Variants in UNC13B observed in about 807,000 individuals in gnomAD.
UNC13B encodes unc-13 homolog B.
In UNC13B, 144 loss-of-function variants were observed where a neutral mutation model predicts 211.0. That is an observed-to-expected ratio of 0.68 (90% CI 0.60 to 0.78). The LOEUF is 0.78. Ranked by LOEUF, UNC13B falls within the 30% of genes least tolerant of loss-of-function variation. The pLI is 0.00. For missense variants in UNC13B, 1,777 were observed against 2,002.0 expected (o/e 0.89, Z 2.14); for synonymous variants, 709 against 725.8 (o/e 0.98, Z 0.37).
At position 35,301,742 on chromosome 9, in the gene UNC13B, A is replaced by G. The variant is rs1042640578; in HGVS notation, c.2338A>G (p.Ile780Val). ...CAAAGATACTCCAGGACATCCTTGT[A>G]TAGCTGGCAGTAGAACTGCAAATAA... ...CAKDTPGHPCIAGSRTANKEV... is the reference protein window; with the variant it reads ...CAKDTPGHPCVAGSRTANKEV... The change falls in exon 9 of 40, where the codon ATA (isoleucine) becomes GTA (valine). Residue 780 changes from isoleucine to valine, a missense_variant. Coordinates refer to ENST00000635942, the MANE Select transcript of UNC13B (RefSeq NM_001371189.2). The G allele has an allele frequency of 7.8e-5, 31 of 398,814 alleles. No individual in the cohort carries two copies. Among genetic ancestry groups the G allele is most frequent in the South Asian group, 1.3e-4 (1 of 7,864 alleles). The allele number at this position is 398,814 out of a possible 1,614,324, so 24.7% of individuals were successfully genotyped here.
chr9:35,179,356 A>C (rs1821809272), intron 1 of UNC13B, among the ~76,000 whole-genome samples: 1 of 152,196 alleles, frequency 6.6e-6, no homozygotes, highest in Non-Finnish European at 1.5e-5. Flanking sequence ...TTCATAAAAA[A>C]TAAAAGGAGT....
chr9:35,398,787 C>T, intron 32 of UNC13B, 95 bp from the exon 33 acceptor site: 1 of 1,571,412 alleles, frequency 6.4e-7, no homozygotes, highest in African/African-American at 1.3e-5. Flanking sequence ...GGAAATGCAC[C>T]ATGAGCATAT....
At chr9:35,255,234 A>G (rs1027874776) in intron 6 of UNC13B, among the ~76,000 whole-genome samples, 1 of 150,172 alleles carries the variant, frequency 6.7e-6, no homozygotes, top group Non-Finnish European at 1.5e-5. Context: ...CTGTTTACGC[A>G]TATATTTTTA....
intron 1 of UNC13B, among the ~76,000 whole-genome samples, chr9:35,209,658 A>G (rs925692476): frequency 2.6e-5 from 4 of 152,198 alleles, no homozygotes; most frequent in Non-Finnish European, 2.9e-5. Flanking sequence ...GATTTTAGGC[A>G]TGGGCCACAC....
rs568048376 is a variant in UNC13B at position 35,395,099 on chromosome 9, G to A, written c.11309-1377G>A. On this transcript the variant is annotated intron_variant, in intron 26 of 39. Coordinates refer to ENST00000635942, the MANE Select transcript of UNC13B (RefSeq NM_001371189.2). Reference sequence around the variant, plus strand: ...AACAGCAGGGGATGGGGGTGGAGGAGAGGGGCTCTCTTTTGATGTCCCTGA... The same window carrying A: ...AACAGCAGGGGATGGGGGTGGAGGAAAGGGGCTCTCTTTTGATGTCCCTGA... Among the ~76,000 whole-genome samples, 3 of 152,226 alleles carry A rather than the reference G, an allele frequency of 2.0e-5. No homozygotes were observed. The East Asian group carries it at 5.8e-4, about 29-fold the overall frequency.
At chr9:35,354,598 G>A (rs2132083176) in intron 11 of UNC13B, among the ~76,000 whole-genome samples, 1 of 152,262 alleles carries the variant, frequency 6.6e-6, no homozygotes, top group African/African-American at 2.4e-5. Flanking sequence ...GAGATATGTA[G>A]CTTTAAAATT....
chr9:35,204,419 T>C (rs968016506), intron 1 of UNC13B, among the ~76,000 whole-genome samples: 1 of 152,140 alleles, frequency 6.6e-6, no homozygotes, highest in African/African-American at 2.4e-5. Context: ...GAACCTAGAA[T>C]GGTAGATCCA....
rs75780863 is a variant in UNC13B at position 35,388,627 on chromosome 9, A to C, written c.11095-1219A>C. 4.8e-3 allele frequency among the ~76,000 whole-genome samples: 729 copies of C among 152,354 alleles called. 6 individuals carry two copies. The highest frequency in any genetic ancestry group is 8.1e-3 in the Non-Finnish European group (549 of 68,040). Reference sequence around the variant, plus strand: ...ACTAAATGGAGTTGTTGTGAGGATTAGATAGGATAATGTGTGTAAAGGTCT... The same window carrying C: ...ACTAAATGGAGTTGTTGTGAGGATTCGATAGGATAATGTGTGTAAAGGTCT... On this transcript the variant is annotated intron_variant, in intron 24 of 39. Transcript: ENST00000635942.
intron 1 of UNC13B, among the ~76,000 whole-genome samples, chr9:35,190,564 A>G (rs938583473): frequency 2.0e-5 from 3 of 152,064 alleles, no homozygotes; most frequent in African/African-American, 4.8e-5. Context: ...CCCTCCCCCA[A>G]AACAGGGTCT....
intron 20 of UNC13B, 69 bp from the exon 21 acceptor site, chr9:35,382,288 A>G: frequency 6.5e-7 from 1 of 1,544,466 alleles, no homozygotes; most frequent in South Asian, 1.3e-5. Flanking sequence ...ATAAACTTTT[A>G]GAGTTCCTGC....
At position 35,399,296 on chromosome 9, in the gene UNC13B, T is replaced by C; in HGVS notation, c.12198+12T>C. 6.2e-7 allele frequency: 1 copy of C among 1,614,102 alleles called. No individual in the cohort carries two copies. The highest frequency in any genetic ancestry group is 1.6e-4 in the Middle Eastern group (1 of 6,062). ...TCACTGACCAGACGGTAAGGACACCTCCTTCCACTTCCTCCTGCTGTCTCC... is the reference window on the plus strand; with the variant it reads ...TCACTGACCAGACGGTAAGGACACCCCCTTCCACTTCCTCCTGCTGTCTCC... On this transcript the variant is annotated intron_variant, in intron 34 of 39. Coordinates refer to ENST00000635942, the MANE Select transcript of UNC13B (RefSeq NM_001371189.2).
chr9:35,187,078 G>A (rs1822400864), intron 1 of UNC13B, among the ~76,000 whole-genome samples: 1 of 152,088 alleles, frequency 6.6e-6, no homozygotes, highest in Non-Finnish European at 1.5e-5. Context: ...CCGATATTCC[G>A]GTTAGAAGGT....
At chr9:35,364,460 G>A (rs1456841068) in intron 11 of UNC13B, 4 of 1,441,392 alleles carry the variant, frequency 2.8e-6, no homozygotes, top group Non-Finnish European at 1.9e-6. Context: ...TTGGAGTTTA[G>A]CTGGCATTTT....
At chr9:35,257,996 C>T (rs1827033845) in intron 6 of UNC13B, among the ~76,000 whole-genome samples, 1 of 152,180 alleles carries the variant, frequency 6.6e-6, no homozygotes, top group African/African-American at 2.4e-5. Flanking sequence ...CTTCTAAGTA[C>T]ACTAGAAAAG....
In UNC13B at chr9:35,333,206, A is replaced by G. The variant is rs150044558; in HGVS notation, c.9414+19217A>G. On this transcript the variant is annotated intron_variant, in intron 11 of 39. Transcript: ENST00000635942. ...CAGAGTAGAGAAAATGTCTGACTTTATATCCCTGATGCCTGGCACCCACTA... is the reference window on the plus strand; with the variant it reads ...CAGAGTAGAGAAAATGTCTGACTTTGTATCCCTGATGCCTGGCACCCACTA... 4.2e-3 allele frequency among the ~76,000 whole-genome samples: 645 copies of G among 152,354 alleles called. 1 individual carries two copies. Among genetic ancestry groups the G allele is most frequent in the South Asian group, 0.012 (57 of 4,826 alleles).
chr9:35,222,598 G>A lies in UNC13B; in HGVS notation c.23-5417G>A, dbSNP rs560596278. Among the ~76,000 whole-genome samples the A allele has an allele frequency of 7.2e-5, 11 of 152,242 alleles. No homozygotes were observed. The South Asian group carries it at 1.7e-3, about 23-fold the overall frequency. On this transcript the variant is annotated intron_variant, in intron 1 of 39. Transcript: ENST00000635942. Reference sequence around the variant, plus strand: ...TTTTTTGGATACATAATAACTGTACGTATTTATGAGGTACATGTGATATTT... The same window carrying A: ...TTTTTTGGATACATAATAACTGTACATATTTATGAGGTACATGTGATATTT...
intron 1 of UNC13B, among the ~76,000 whole-genome samples, chr9:35,191,383 C>T (rs573612351): frequency 3.9e-5 from 6 of 152,344 alleles, no homozygotes; most frequent in African/African-American, 1.4e-4. Flanking sequence ...TGTCCTTGCT[C>T]ATCACTGGGC....
In UNC13B at chr9:35,162,250, TG is replaced by T. The variant is rs1383068792; in HGVS notation, c.-30del. On this transcript the variant is annotated 5_prime_UTR_variant, in exon 1 of 40. Coordinates refer to ENST00000635942, the MANE Select transcript of UNC13B (RefSeq NM_001371189.2). Reference sequence around the variant, plus strand: ...GAAAGAGGGAGCGGTCCGGCGCGGCTGGGGCGCGGCAGAGGCTTGCCCGATC... The same window carrying T: ...GAAAGAGGGAGCGGTCCGGCGCGGCTGGGCGCGGCAGAGGCTTGCCCGATC... 1.3e-6 allele frequency: 2 copies of T among 1,542,434 alleles called. No individual in the cohort carries two copies. The highest frequency in any genetic ancestry group is 1.2e-5 in the South Asian group (1 of 84,076).
In UNC13B at chr9:35,284,221, A is replaced by G. The variant is rs371118744; in HGVS notation, c.527-11475A>G. Among the ~76,000 whole-genome samples, 11 of 152,258 alleles carry G rather than the reference A, an allele frequency of 7.2e-5. No individual in the cohort carries two copies. The East Asian group carries it at 2.1e-3, about 29-fold the overall frequency. ...GCAGAGGTTACAGTGAGCTGAGATCATGTCACTGCACTCCAGCCTGGTTGA... is the reference window on the plus strand; with the variant it reads ...GCAGAGGTTACAGTGAGCTGAGATCGTGTCACTGCACTCCAGCCTGGTTGA... On this transcript the variant is annotated intron_variant, in intron 7 of 39. Coordinates refer to ENST00000635942, the MANE Select transcript of UNC13B (RefSeq NM_001371189.2).
Sources: allele counts gnomAD v4.1 joint callset (sites outside exome capture counted in the v4.1 genomes callset), GRCh38; gene constraint gnomAD v4.1.1; transcripts MANE v1.5; gene names NCBI Gene and HGNC (gene_info 2026-07-23, HGNC 2026-07-21).